Variants in SYCP2L observed in about 807,000 individuals in gnomAD.
SYCP2L encodes the protein synaptonemal complex protein 2-like.
Under a neutral mutation model 125.8 loss-of-function variants are expected in SYCP2L, and 98 were observed. That is an observed-to-expected ratio of 0.78 (90% CI 0.66 to 0.92). The LOEUF (loss-of-function observed/expected upper bound fraction) is 0.92. SYCP2L is among the 40% of genes least tolerant of loss of function. The probability of loss-of-function intolerance (pLI) is 0.00; values close to 1 mark genes in which losing one functional copy is unlikely to be tolerated. For synonymous variants in SYCP2L, 317 were observed against 325.4 expected (o/e 0.97, Z 0.28); for missense variants, 842 against 936.4 (o/e 0.90, Z 1.32).
chr6:10,902,633 A>C lies in SYCP2L; in HGVS notation c.467-44A>C, dbSNP rs918583641. The stretch of plus-strand genomic sequence containing the variant: ...GACCGTGTGTAGGAGTCATTTTCTT[A>C]CTCTTCCAAACATAAATTTGATGCT... On this transcript the variant is annotated intron_variant, in intron 6 of 29. Transcript: ENST00000283141. 3.2e-6 allele frequency: 5 copies of C among 1,547,314 alleles called. No individual in the cohort carries two copies. The African/African-American group carries it at 6.8e-5, about 21-fold the overall frequency.
At chr6:10,917,723 T>C (rs546989616) in intron 14 of SYCP2L, among the ~76,000 whole-genome samples, 1 of 152,278 alleles carries the variant, frequency 6.6e-6, no homozygotes, top group African/African-American at 2.4e-5. Context: ...GTTTGTAATA[T>C]TGTATTTTTG....
At chr6:10,903,548 TTAAAA>T (rs938670629) in intron 8 of SYCP2L, among the ~76,000 whole-genome samples, 1 of 151,636 alleles carries the variant, frequency 6.6e-6, no homozygotes, top group African/African-American at 2.4e-5. Flanking sequence ...AGACTCTGTC[TTAAAA>T]TAATAATAAT....
intron 11 of SYCP2L, 27 bp from the exon 12 acceptor site, chr6:10,910,797 T>A: frequency 6.2e-7 from 1 of 1,612,528 alleles, no homozygotes; most frequent in Non-Finnish European, 8.5e-7. Context: ...TCATGTTTTA[T>A]TTTTTTAATT....
intron 5 of SYCP2L, 69 bp downstream of exon 5, chr6:10,898,184 A>G (rs1780292008): frequency 1.7e-6 from 2 of 1,178,124 alleles, no homozygotes; most frequent in Admixed American, 3.7e-5. Flanking sequence ...CAAGTTATTT[A>G]TAAAACATGG....
Position 10,924,509 on chromosome 6 carries a change from A to G in SYCP2L, c.1086A>G (p.Ile362Met), listed in dbSNP as rs759100288. Residue 362 changes from isoleucine (I) to methionine (M), a missense_variant, in exon 15 of 30, where the codon ATA (isoleucine) becomes ATG (methionine). Physicochemically the swap from Ile to Met is conservative, Grantham distance 10 (BLOSUM62 1). Transcript: ENST00000283141. Reference sequence around the variant, plus strand: ...ATTTTCTCTTAGAAACGGAGAAGATAAAGATATTTATCATTTACCTGAAGA... The same window carrying G: ...ATTTTCTCTTAGAAACGGAGAAGATGAAGATATTTATCATTTACCTGAAGA... ...MNFSITETEK[I>M]KIFIIYLKKP... 16 of 1,581,712 alleles carry G rather than the reference A, an allele frequency of 1.0e-5. No individual in the cohort carries two copies. The highest frequency in any genetic ancestry group is 1.4e-5 in the Non-Finnish European group (16 of 1,170,426).
Position 10,924,537 on chromosome 6 carries a change from C to A in SYCP2L, c.1114C>A (p.Pro372Thr). ...GATATTTATCATTTACCTGAAGAAG[C>A]CCATGATTATCAGCTACAAAGAAGT... is the stretch of plus-strand genomic sequence containing the variant. Reference protein sequence around the residue: ...IKIFIIYLKKPMIISYKEVMK... With the variant: ...IKIFIIYLKKTMIISYKEVMK... Residue 372 changes from proline to threonine, a missense_variant, in exon 15 of 30, where the codon CCC (proline) becomes ACC (threonine). Pro to Thr is a conservative substitution (Grantham distance 38). Coordinates refer to ENST00000283141, the MANE Select transcript of SYCP2L (RefSeq NM_001040274.3). 1.3e-6 allele frequency: 2 copies of A among 1,598,684 alleles called. No individual in the cohort carries two copies. Among genetic ancestry groups the A allele is most frequent in the Non-Finnish European group, 1.7e-6 (2 of 1,175,466 alleles).
intron 29 of SYCP2L, among the ~76,000 whole-genome samples, chr6:10,968,378 G>A (rs987339119): frequency 3.3e-5 from 5 of 152,198 alleles, no homozygotes; most frequent in Non-Finnish European, 7.3e-5. Flanking sequence ...GGGCCAGGAG[G>A]TTGATAGTAG....
At position 10,942,632 on chromosome 6, in the gene SYCP2L, G is replaced by A. The variant is rs765282818; in HGVS notation, c.1885-45G>A. 2.5e-6 allele frequency: 4 copies of A among 1,606,532 alleles called. No homozygotes were observed. In the South Asian group the frequency reaches 4.4e-5, roughly 18 times the overall value. ...CTGACGAGTACACCACTTGTTTCTT[G>A]CTTTGCCATAAAGGACGTAATTTGT... On this transcript the variant is annotated intron_variant, in intron 22 of 29. Coordinates refer to ENST00000283141, the MANE Select transcript of SYCP2L (RefSeq NM_001040274.3).
chr6:10,906,633 T>C (rs1390959290), intron 9 of SYCP2L, among the ~76,000 whole-genome samples: 1 of 151,928 alleles, frequency 6.6e-6, no homozygotes, highest in East Asian at 1.9e-4. Context: ...GTTTTGCCCT[T>C]GTTGGCCAGG....
intron 29 of SYCP2L, among the ~76,000 whole-genome samples, chr6:10,973,399 G>A (rs1192589447): frequency 6.6e-6 from 1 of 152,182 alleles, no homozygotes; most frequent in Admixed American, 6.5e-5. Flanking sequence ...TGGGCATGAT[G>A]TTGCACGCCT....
At chr6:10,924,998 T>A (rs1581828770) in intron 15 of SYCP2L, among the ~76,000 whole-genome samples, 1 of 151,804 alleles carries the variant, frequency 6.6e-6, no homozygotes, top group East Asian at 1.9e-4. Context: ...CTAGGGGGAG[T>A]GTATTAGTCT....
At position 10,900,604 on chromosome 6, in the gene SYCP2L, C is replaced by T. The variant is rs189073745; in HGVS notation, c.466+1756C>T. 2.6e-3 allele frequency among the ~76,000 whole-genome samples: 398 copies of T among 152,240 alleles called. 2 individuals are homozygous for T. Among genetic ancestry groups the T allele is most frequent in the Middle Eastern group, 6.8e-3 (2 of 294 alleles). On this transcript the variant is annotated intron_variant, in intron 6 of 29. Transcript: ENST00000283141. Reference sequence around the variant, plus strand: ...CTGACCCCAGGTGATCCACCCACCTCGGCCTCCCAAAGTGCTGGGATTACA... The same window carrying T: ...CTGACCCCAGGTGATCCACCCACCTTGGCCTCCCAAAGTGCTGGGATTACA...
intron 19 of SYCP2L, 128 bp from the exon 20 acceptor site, chr6:10,931,312 T>G (rs1259415723): frequency 1.2e-6 from 1 of 829,030 alleles, no homozygotes; most frequent in East Asian, 2.5e-5. Flanking sequence ...ATCTTAAGAG[T>G]AGACATTTCT....
chr6:10,958,220 A>T (rs190083046), intron 25 of SYCP2L, among the ~76,000 whole-genome samples: 4,188 of 116,404 alleles, frequency 0.036, 186 homozygotes, highest in East Asian at 0.25. Flanking sequence ...ATTTTTTTTT[A>T]AAAAAAGAGG....
chr6:10,959,993 G>C (rs916740482), intron 26 of SYCP2L, among the ~76,000 whole-genome samples: 4 of 152,174 alleles, frequency 2.6e-5, no homozygotes, highest in African/African-American at 9.7e-5. Context: ...GAGGTGCCAG[G>C]ATTTCAGAGG....
chr6:10,930,941 G>A (rs1780987376), intron 19 of SYCP2L, among the ~76,000 whole-genome samples: 3 of 152,230 alleles, frequency 2.0e-5, no homozygotes. Flanking sequence ...GGGAGGCCGA[G>A]GTGGGAGGGT....
rs373857405 is a variant in SYCP2L, at chr6:10,945,971, C to T, written c.1954+3225C>T. Among the ~76,000 whole-genome samples, 5 of 152,144 alleles carry T rather than the reference C, an allele frequency of 3.3e-5. No individual in the cohort carries two copies. The East Asian group carries it at 9.7e-4, about 29-fold the overall frequency. On this transcript the variant is annotated intron_variant, in intron 23 of 29. Coordinates refer to ENST00000283141, the MANE Select transcript of SYCP2L (RefSeq NM_001040274.3). ...ATAATTTCTAAAAGTCTTTTCATGA[C>T]TGACATATGTGTATGTGTTTCATAA...
chr6:10,973,309 G>T (rs1211833387), intron 29 of SYCP2L, among the ~76,000 whole-genome samples: 4 of 152,162 alleles, frequency 2.6e-5, no homozygotes, highest in Non-Finnish European at 4.4e-5. Context: ...GAGGTGGGCG[G>T]ATCACCTGAG....
chr6:10,925,252 C>G lies in SYCP2L; in HGVS notation c.1218+611C>G, dbSNP rs2113346780. Among the ~76,000 whole-genome samples the G allele has an allele frequency of 2.6e-5, 4 of 152,290 alleles. No homozygotes were observed. The Middle Eastern group carries it at 0.014, about 518-fold the overall frequency. On this transcript the variant is annotated intron_variant, in intron 15 of 29. Coordinates refer to ENST00000283141, the MANE Select transcript of SYCP2L (RefSeq NM_001040274.3). Reference sequence around the variant, plus strand: ...ATGGGAAAGACCCATCCCCATGTTTCAGTTACCTCCCATGGGGTCTCTCCC... The same window carrying G: ...ATGGGAAAGACCCATCCCCATGTTTGAGTTACCTCCCATGGGGTCTCTCCC...
Sources: allele counts gnomAD v4.1 joint callset (sites outside exome capture counted in the v4.1 genomes callset), GRCh38; gene constraint gnomAD v4.1.1; transcripts MANE v1.5; gene names NCBI Gene and HGNC (gene_info 2026-07-23, HGNC 2026-07-21).